SDK1: variants seen among roughly 807,000 people sequenced by gnomAD.
SDK1 encodes the protein sidekick cell adhesion molecule 1, also known as protein sidekick-1.
In SDK1, 157 loss-of-function variants were observed where a neutral mutation model predicts 245.5. That is an observed-to-expected ratio of 0.64 (90% confidence interval 0.56 to 0.73). The LOEUF is 0.73. Among genes scored for constraint, SDK1 ranks in the 30% least tolerant of loss-of-function variants. The pLI is 0.00. For missense variants in SDK1, 3,583 were observed against 3,002.3 expected (o/e 1.19, Z -4.52); for synonymous variants, 1,647 against 1,278.5 (o/e 1.29, Z -6.15).
chr7:3,324,835 G>A (rs774388698), intron 1 of SDK1, among the ~76,000 whole-genome samples: 6 of 152,040 alleles, frequency 3.9e-5, no homozygotes, highest in Admixed American at 6.5e-5. Flanking sequence ...AAAAGTAAAC[G>A]GCAAGATTTC....
At chr7:3,850,714 G>C (rs910454751) in intron 5 of SDK1, among the ~76,000 whole-genome samples, 6 of 152,142 alleles carry the variant, frequency 3.9e-5, no homozygotes, top group African/African-American at 1.4e-4. Flanking sequence ...GTAGGGACAT[G>C]GATGAAGCTG....
intron 4 of SDK1, among the ~76,000 whole-genome samples, chr7:3,812,648 G>C (rs956980981): frequency 1.3e-5 from 2 of 152,210 alleles, no homozygotes; most frequent in Admixed American, 6.5e-5. Context: ...ACTGGTGGAG[G>C]CTTGACTGGT....
At chr7:3,602,618 G>A (rs147183488) in intron 1 of SDK1, among the ~76,000 whole-genome samples, 23,963 of 151,438 alleles carry the variant, frequency 0.16, 2,317 homozygotes, top group Middle Eastern at 0.22. Context: ...TTCTCCCATT[G>A]TGTAGGTTCC....
At chr7:4,092,851 G>A (rs1265403738) in intron 22 of SDK1, among the ~76,000 whole-genome samples, 3 of 152,188 alleles carry the variant, frequency 2.0e-5, no homozygotes, top group Admixed American at 2.0e-4. Context: ...CAGGCGGAGA[G>A]CAGCAGAGCA....
intron 1 of SDK1, among the ~76,000 whole-genome samples, chr7:3,422,338 G>T (rs895622952): frequency 4.6e-5 from 7 of 152,172 alleles, no homozygotes; most frequent in African/African-American, 1.7e-4. Context: ...GAAGTCAAGA[G>T]TGAAAACCTC....
intron 5 of SDK1, among the ~76,000 whole-genome samples, chr7:3,903,584 A>G (rs1781865593): frequency 6.6e-6 from 1 of 152,216 alleles, no homozygotes; most frequent in Non-Finnish European, 1.5e-5. Flanking sequence ...AAAGTTAAAT[A>G]CAGAGTTACT....
chr7:4,221,498 G>C (rs1785153616), intron 40 of SDK1, 134 bp downstream of exon 40: 2 of 1,131,900 alleles, frequency 1.8e-6, no homozygotes, highest in Non-Finnish European at 2.5e-6. Flanking sequence ...GGGCGGTTTT[G>C]GTGAAAGAAG....
intron 1 of SDK1, among the ~76,000 whole-genome samples, chr7:3,402,400 A>G (rs1487341709): frequency 6.6e-6 from 1 of 152,202 alleles, no homozygotes; most frequent in Non-Finnish European, 1.5e-5. Context: ...AGAGGCAAAG[A>G]CCAAGTTTTA....
At chr7:3,887,333 C>T (rs936017617) in intron 5 of SDK1, among the ~76,000 whole-genome samples, 1 of 152,082 alleles carries the variant, frequency 6.6e-6, no homozygotes, top group Non-Finnish European at 1.5e-5. Context: ...AAAAAATGGC[C>T]CCAACTAATT....
intron 5 of SDK1, among the ~76,000 whole-genome samples, chr7:3,900,325 C>G (rs546332980): frequency 1.5e-4 from 23 of 152,324 alleles, no homozygotes; most frequent in African/African-American, 5.3e-4. Context: ...CCAACATGTT[C>G]TGCCTGAACA....
intron 35 of SDK1, among the ~76,000 whole-genome samples, chr7:4,181,720 C>G (rs1188906030): frequency 6.6e-6 from 1 of 152,200 alleles, no homozygotes; most frequent in Non-Finnish European, 1.5e-5. Context: ...AAAGGAAAGC[C>G]TACTTGCTGT....
chr7:3,345,619 A>G (rs1780471523), intron 1 of SDK1, among the ~76,000 whole-genome samples: 1 of 152,172 alleles, frequency 6.6e-6, no homozygotes, highest in African/African-American at 2.4e-5. Context: ...GTAACATATC[A>G]GGGCTTGTAA....
At chr7:3,744,827 CA>C (rs912254384) in intron 4 of SDK1, among the ~76,000 whole-genome samples, 5 of 146,320 alleles carry the variant, frequency 3.4e-5, no homozygotes, top group South Asian at 2.2e-4. Flanking sequence ...AACAAACAAA[CA>C]AAAAAAAACA....
intron 40 of SDK1, among the ~76,000 whole-genome samples, chr7:4,229,295 T>C (rs1785608835): frequency 1.3e-5 from 2 of 152,144 alleles, no homozygotes; most frequent in Admixed American, 6.5e-5. Context: ...CGGTGAATTA[T>C]AGCTAGAGTG....
At position 4,175,813 on chromosome 7, in the gene SDK1, TC is replaced by T. The variant is rs768107635; in HGVS notation, c.4976del (p.Ser1659Ter). The T allele has an allele frequency of 1.9e-6, 3 of 1,613,804 alleles. No individual in the cohort carries two copies. Among genetic ancestry groups the T allele is most frequent in the Non-Finnish European group, 2.5e-6 (3 of 1,180,016 alleles). ...SFKTVNSSST[S>X]TMCELTHLKK... ...CAAGACGGTGAACAGCAGCTCCACATCGACGATGTGTGAACTAACACGTAAG... is the reference window on the plus strand; with the variant it reads ...CAAGACGGTGAACAGCAGCTCCACATGACGATGTGTGAACTAACACGTAAG... On this transcript the variant is annotated frameshift_variant, in exon 34 of 45. Coordinates refer to ENST00000404826, the MANE Select transcript of SDK1 (RefSeq NM_152744.4). LOFTEE classifies it high-confidence loss of function.
At chr7:4,011,580 G>T (rs1785970214) in intron 15 of SDK1, among the ~76,000 whole-genome samples, 2 of 152,224 alleles carry the variant, frequency 1.3e-5, no homozygotes, top group South Asian at 4.1e-4. Flanking sequence ...GGCCACCTCT[G>T]AAAAATCTCA....
rs114511411 is a variant in SDK1 at position 4,230,940 on chromosome 7, C to T, written c.5828-2315C>T. On this transcript the variant is annotated intron_variant, in intron 40 of 44. Coordinates refer to ENST00000404826, the MANE Select transcript of SDK1 (RefSeq NM_152744.4). ...TAGAACAGCAATCTCATCTGATTCCCTGATGGATGGCACAGGGTCTGATCA... is the reference window on the plus strand; with the variant it reads ...TAGAACAGCAATCTCATCTGATTCCTTGATGGATGGCACAGGGTCTGATCA... Among the ~76,000 whole-genome samples, 1,178 of 152,188 alleles carry T rather than the reference C, an allele frequency of 7.7e-3. 13 individuals are homozygous for T. The highest frequency in any genetic ancestry group is 0.025 in the African/African-American group (1,021 of 41,524).
intron 1 of SDK1, among the ~76,000 whole-genome samples, chr7:3,409,117 G>GATAAAA (rs1373870609): frequency 6.6e-6 from 1 of 151,982 alleles, no homozygotes; most frequent in Non-Finnish European, 1.5e-5. Context: ...TTTTGTGTGA[G>GATAAAA]ATAAAAACAA....
At chr7:3,694,730 A>T (rs1476906529) in intron 4 of SDK1, among the ~76,000 whole-genome samples, 1 of 152,146 alleles carries the variant, frequency 6.6e-6, no homozygotes, top group East Asian at 1.9e-4. Flanking sequence ...CGAGTTTCTG[A>T]TTCCATAGTT....
Sources: allele counts gnomAD v4.1 joint callset (sites outside exome capture counted in the v4.1 genomes callset), GRCh38; gene constraint gnomAD v4.1.1; transcripts MANE v1.5; gene names NCBI Gene and HGNC (gene_info 2026-07-23, HGNC 2026-07-21).